The following LINGO2 variants were observed in gnomAD, a reference collection of about 807,000 sequenced individuals.
The protein encoded by LINGO2 is leucine-rich repeat and immunoglobulin-like domain-containing nogo receptor-interacting protein 2.
A neutral mutation model predicts 30.6 loss-of-function variants in LINGO2; 14 were observed. The ratio of observed to expected loss-of-function variants is 0.46; its 90% CI spans 0.30 to 0.72. The LOEUF (loss-of-function observed/expected upper bound fraction) is 0.72, where lower values mean the gene tolerates loss of function less well. Among genes scored for constraint, LINGO2 ranks in the 30% least tolerant of loss-of-function variants. The pLI, the probability that LINGO2 is intolerant of heterozygous loss-of-function variation, is 0.07. For missense variants in LINGO2, 729 were observed against 751.7 expected, an observed-to-expected ratio of 0.97 and a Z score of 0.35; for synonymous variants, 317 against 288.5, an observed-to-expected ratio of 1.10 and a Z score of -1.00.
the LINGO2 span, among the ~76,000 whole-genome samples, chr9:28,873,016 A>T: frequency 3.1e-4 from 47 of 152,282 alleles, no homozygotes; most frequent in South Asian, 8.1e-3. Flanking sequence ...AAAATTCAGT[A>T]GCCAAAATTA....
At chr9:28,973,261 T>C in the LINGO2 span, among the ~76,000 whole-genome samples, 5 of 151,988 alleles carry the variant, frequency 3.3e-5, no homozygotes, top group Admixed American at 3.3e-4. Context: ...AGATCAAGGA[T>C]AAAGAAAAGA....
At chr9:29,028,202 A>G in the LINGO2 span, among the ~76,000 whole-genome samples, 1 of 152,158 alleles carries the variant, frequency 6.6e-6, no homozygotes, top group Non-Finnish European at 1.5e-5. Context: ...TCACAGTAAC[A>G]TAAAAGTTAC....
intron 2 of LINGO2, among the ~76,000 whole-genome samples, chr9:28,394,154 T>C (rs1228419777): frequency 6.6e-6 from 1 of 152,182 alleles, no homozygotes; most frequent in Admixed American, 6.5e-5. Context: ...AGCCAGTCAG[T>C]GCTCATAGGA....
At chr9:28,474,022 T>C (rs565516037) in intron 2 of LINGO2, among the ~76,000 whole-genome samples, 2 of 152,288 alleles carry the variant, frequency 1.3e-5, no homozygotes, top group African/African-American at 4.8e-5. Context: ...CGAACATCTG[T>C]GTAATATTAC....
rs1827841970 is a variant in LINGO2 at position 28,147,343 on chromosome 9, G to C, written c.-86-134938C>G. On this transcript the variant is annotated intron_variant, in intron 4 of 5. Coordinates refer to ENST00000379992, the Ensembl canonical transcript of LINGO2. This position sits in a 1 kb window ranked among gnomAD's most constrained non-coding sequence, Gnocchi z 4.7. ...CTGAGGAATGGTCTCAGGCAAATTT[G>C]TAAAAAGTGGAGACCCTGCCTGCCA... Among the ~76,000 whole-genome samples, 1 of 152,206 alleles carries C rather than the reference G, an allele frequency of 6.6e-6. No homozygotes were observed. Among genetic ancestry groups the C allele is most frequent in the African/African-American group, 2.4e-5 (1 of 41,458 alleles).
chr9:28,930,208 G>T, the LINGO2 span, among the ~76,000 whole-genome samples: 2 of 151,780 alleles, frequency 1.3e-5, no homozygotes, highest in South Asian at 2.1e-4. The surrounding 1 kb of genome is among the most constrained non-coding windows in gnomAD (Gnocchi z 4.2). Flanking sequence ...ATGCACAAGG[G>T]GTACTGCTTC....
the LINGO2 span, among the ~76,000 whole-genome samples, chr9:28,776,929 C>A: frequency 6.6e-6 from 1 of 151,780 alleles, no homozygotes; most frequent in Admixed American, 6.6e-5. Flanking sequence ...GTAGGAGTGG[C>A]CTGGCGGGAG....
At chr9:28,108,877 A>T (rs552516040) in intron 4 of LINGO2, among the ~76,000 whole-genome samples, 1 of 152,166 alleles carries the variant, frequency 6.6e-6, no homozygotes, top group African/African-American at 2.4e-5. Context: ...AATTTCATAC[A>T]TGGAGATTAG....
At chr9:28,600,940 G>A (rs1296587595) in intron 1 of LINGO2, among the ~76,000 whole-genome samples, 1 of 151,862 alleles carries the variant, frequency 6.6e-6, no homozygotes, top group Non-Finnish European at 1.5e-5. Flanking sequence ...TTAACAAAAT[G>A]GAAATAAGAG....
At chr9:28,083,258 A>T (rs1051171405) in intron 4 of LINGO2, among the ~76,000 whole-genome samples, 3 of 152,190 alleles carry the variant, frequency 2.0e-5, no homozygotes, top group Admixed American at 6.5e-5. Context: ...GGGCTCTGTC[A>T]TTCCTGGCTT....
chr9:28,068,191 A>T (rs548435482), intron 4 of LINGO2, among the ~76,000 whole-genome samples: 2 of 152,174 alleles, frequency 1.3e-5, no homozygotes, highest in Non-Finnish European at 2.9e-5. Context: ...TCGGCCTGCC[A>T]TAACAAAATA....
the LINGO2 span, among the ~76,000 whole-genome samples, chr9:28,775,643 G>A: frequency 6.6e-6 from 1 of 152,150 alleles, no homozygotes; most frequent in South Asian, 2.1e-4. Context: ...GAACTTACAT[G>A]AGTCCTGCCT....
At chr9:28,016,682 TAAAA>T (rs72138034) in intron 4 of LINGO2, among the ~76,000 whole-genome samples, 2 of 115,330 alleles carry the variant, frequency 1.7e-5, no homozygotes, top group Non-Finnish European at 1.8e-5. Context: ...ATTAAACCAG[TAAAA>T]AAAAAAAAAA....
chr9:29,011,807 T>G, the LINGO2 span, among the ~76,000 whole-genome samples: 2 of 152,182 alleles, frequency 1.3e-5, no homozygotes, highest in Non-Finnish European at 2.9e-5. Context: ...ACATTATACC[T>G]TATGAAGTAG....
At chr9:28,432,628 A>G (rs1332138187) in intron 2 of LINGO2, among the ~76,000 whole-genome samples, 1 of 152,100 alleles carries the variant, frequency 6.6e-6, no homozygotes, top group Non-Finnish European at 1.5e-5. Flanking sequence ...CTTCAGGGCT[A>G]ATAAAGGACA....
At chr9:28,324,547 C>G (rs1273977495) in intron 3 of LINGO2, among the ~76,000 whole-genome samples, 1 of 152,122 alleles carries the variant, frequency 6.6e-6, no homozygotes, top group African/African-American at 2.4e-5. Context: ...CCAAAACCCA[C>G]CAAAACTAAG....
chr9:27,998,716 G>A (rs1344036642), intron 5 of LINGO2, among the ~76,000 whole-genome samples: 1 of 152,180 alleles, frequency 6.6e-6, no homozygotes, highest in Non-Finnish European at 1.5e-5. Context: ...GGGAAGTGGA[G>A]GTTGCAGTGA....
intron 5 of LINGO2, among the ~76,000 whole-genome samples, chr9:27,981,569 A>AAAAAAAAAAAAAAAAAAAAAAAAAC (rs1222576112): frequency 7.8e-6 from 1 of 127,934 alleles, no homozygotes; most frequent in African/African-American, 2.7e-5. Context: ...AGAAAAAAAA[A>AAAAAAAAAAAAAAAAAAAAAAAAAC]GAAAAAAAAA....
intron 4 of LINGO2, among the ~76,000 whole-genome samples, chr9:28,163,263 C>T (rs974670566): frequency 5.3e-5 from 8 of 151,982 alleles, no homozygotes; most frequent in African/African-American, 1.2e-4. Flanking sequence ...AGGTATCAAT[C>T]GAATCTGCAG....
Sources: allele counts gnomAD v4.1 joint callset (sites outside exome capture counted in the v4.1 genomes callset), GRCh38; gene constraint gnomAD v4.1.1; non-coding constraint Gnocchi (gnomAD v3.1); transcripts MANE v1.5; gene names NCBI Gene and HGNC (gene_info 2026-07-23, HGNC 2026-07-21).